UTRN: variants seen among roughly 807,000 people sequenced by gnomAD.
UTRN encodes the protein dystrophin-related protein 1.
UTRN carries 283 observed loss-of-function variants against 463.9 expected under a neutral mutation model. That is an observed-to-expected ratio of 0.61 (90% confidence interval 0.55 to 0.67). The LOEUF is 0.67. UTRN is among the 30% of genes least tolerant of loss of function. The probability of loss-of-function intolerance (pLI) is 0.00; values close to 1 mark genes in which losing one functional copy is unlikely to be tolerated. For synonymous variants in UTRN, 1,442 were observed against 1,431.5 expected, an observed-to-expected ratio of 1.01 and a Z score of -0.17; for missense variants, 3,922 against 4,084.3, an observed-to-expected ratio of 0.96 and a Z score of 1.08.
At chr6:144,775,312 G>A (rs1039829050) in intron 60 of UTRN, among the ~76,000 whole-genome samples, 5 of 152,148 alleles carry the variant, frequency 3.3e-5, no homozygotes, top group Non-Finnish European at 5.9e-5. Flanking sequence ...AGAAAAAATA[G>A]CAATGCAAAG....
intron 54 of UTRN, among the ~76,000 whole-genome samples, chr6:144,736,443 A>G (rs941077965): frequency 3.9e-5 from 6 of 152,166 alleles, no homozygotes; most frequent in African/African-American, 1.4e-4. Flanking sequence ...TTTATCTCCA[A>G]TGCCTTTTTT....
rs577139301 is a variant in UTRN, at chr6:144,506,080, G to A, written c.4765-4864G>A. On this transcript the variant is annotated intron_variant, in intron 34 of 74. Coordinates refer to ENST00000367545, the MANE Select transcript of UTRN (RefSeq NM_007124.3). ...ATCAGAGACTAGGATTGCAACCCCC[G>A]CATTTTTTTTTTTTTTGCTTTCCAT... is the stretch of plus-strand genomic sequence containing the variant. Among the ~76,000 whole-genome samples the A allele has an allele frequency of 2.1e-3, 302 of 141,460 alleles. 1 individual carries two copies. The highest frequency in any genetic ancestry group is 3.6e-3 in the Admixed American group (53 of 14,830). The allele number at this position is 141,460 out of a possible 152,430, so 92.8% of individuals were successfully genotyped here.
chr6:144,380,181 G>A (rs1418050897), intron 2 of UTRN, among the ~76,000 whole-genome samples: 3 of 152,096 alleles, frequency 2.0e-5, no homozygotes, highest in Admixed American at 6.5e-5. Flanking sequence ...GGAGATATTG[G>A]TAAAAAATTA....
intron 2 of UTRN, among the ~76,000 whole-genome samples, chr6:144,360,108 T>C (rs1372361105): frequency 5.7e-5 from 4 of 70,008 alleles, no homozygotes; most frequent in African/African-American, 3.7e-4. Flanking sequence ...TCCCCTCCCC[T>C]CCCCCCTTCC....
chr6:144,469,703 C>CTTTTTTTTTTTTTTTTTTTTTTTTT (rs545551155), intron 23 of UTRN, among the ~76,000 whole-genome samples: 3 of 135,698 alleles, frequency 2.2e-5, no homozygotes, highest in African/African-American at 6.0e-5. Context: ...TGTTTCTTTC[C>CTTTTTTTTTTTTTTTTTTTTTTTTT]TTTTTTTTTT....
At chr6:144,728,878 T>C (rs1269353437) in intron 53 of UTRN, among the ~76,000 whole-genome samples, 1 of 152,182 alleles carries the variant, frequency 6.6e-6, no homozygotes, top group African/African-American at 2.4e-5. Context: ...ATAGCATTTT[T>C]GTCACTCCGT....
At chr6:144,694,436 A>G (rs1468431885) in intron 52 of UTRN, among the ~76,000 whole-genome samples, 5 of 152,040 alleles carry the variant, frequency 3.3e-5, no homozygotes, top group Non-Finnish European at 5.9e-5. Context: ...TTCCTCCTCA[A>G]TTTTGTGGAA....
intron 51 of UTRN, among the ~76,000 whole-genome samples, chr6:144,648,287 C>T (rs1056648921): frequency 8.5e-5 from 13 of 152,088 alleles, no homozygotes; most frequent in Admixed American, 3.3e-4. Flanking sequence ...AGTGCAAGGA[C>T]GAGCAGTTTA....
At position 144,417,590 on chromosome 6, in the gene UTRN, G is replaced by A. The variant is rs564836539; in HGVS notation, c.142-4288G>A. Among the ~76,000 whole-genome samples the A allele has an allele frequency of 7.6e-4, 116 of 152,148 alleles. 2 individuals carry two copies. Among genetic ancestry groups the A allele is most frequent in the South Asian group, 4.8e-3 (23 of 4,820 alleles). ...TTTCATATTTCTACTGCCTGTTTCC[G>A]TATGGCCTATGAGCTGAGAATGGTT... On this transcript the variant is annotated intron_variant, in intron 3 of 74. Transcript: ENST00000367545.
intron 2 of UTRN, among the ~76,000 whole-genome samples, chr6:144,303,089 T>C (rs1227928794): frequency 6.6e-6 from 1 of 152,168 alleles, no homozygotes. Flanking sequence ...AAGATAGATT[T>C]GGAAGGTAGC....
Position 144,546,801 on chromosome 6 carries a change from C to T in UTRN, c.6596-1839C>T, listed in dbSNP as rs534598536. 4.0e-5 allele frequency among the ~76,000 whole-genome samples: 6 copies of T among 151,294 alleles called. No individual in the cohort carries two copies. In the South Asian group the frequency reaches 8.3e-4, roughly 21 times the overall value. ...CCCAGCCTGGGTGACAGAGTGAGCCCCTATCTCAAAGAAAAAACAAACAAA... is the reference window on the plus strand; with the variant it reads ...CCCAGCCTGGGTGACAGAGTGAGCCTCTATCTCAAAGAAAAAACAAACAAA... On this transcript the variant is annotated intron_variant, in intron 46 of 74. Coordinates refer to ENST00000367545, the MANE Select transcript of UTRN (RefSeq NM_007124.3).
chr6:144,470,474 C>T (rs1303616969), intron 23 of UTRN, among the ~76,000 whole-genome samples: 7 of 151,734 alleles, frequency 4.6e-5, no homozygotes, highest in East Asian at 1.9e-4. Flanking sequence ...GATAGGGCGG[C>T]GGGGCAGAGA....
At chr6:144,348,720 A>G (rs1777822473) in intron 2 of UTRN, among the ~76,000 whole-genome samples, 1 of 152,154 alleles carries the variant, frequency 6.6e-6, no homozygotes, top group Non-Finnish European at 1.5e-5. Context: ...AGATCACCTG[A>G]AGTCGGGAGT....
chr6:144,371,468 A>G (rs1285362016), intron 2 of UTRN, among the ~76,000 whole-genome samples: 3 of 152,230 alleles, frequency 2.0e-5, no homozygotes, highest in Middle Eastern at 3.4e-3. Flanking sequence ...CTGGAGTGCA[A>G]TGGCGCAATC....
At chr6:144,628,203 A>G (rs1164288106) in intron 51 of UTRN, among the ~76,000 whole-genome samples, 1 of 152,164 alleles carries the variant, frequency 6.6e-6, no homozygotes, top group African/African-American at 2.4e-5. Flanking sequence ...TATTGTGAAT[A>G]ATGCTGCTAT....
At chr6:144,726,480 A>G (rs1170788231) in intron 53 of UTRN, among the ~76,000 whole-genome samples, 1 of 152,210 alleles carries the variant, frequency 6.6e-6, no homozygotes, top group Non-Finnish European at 1.5e-5. Context: ...GGTCCCAGAC[A>G]TGGCATTAGT....
chr6:144,304,934 CT>C (rs74813853), intron 2 of UTRN, among the ~76,000 whole-genome samples: 248 of 142,598 alleles, frequency 1.7e-3, no homozygotes, highest in Middle Eastern at 3.6e-3. Context: ...AATGTTTTGA[CT>C]TTTTTTTTTT....
intron 42 of UTRN, 79 bp from the exon 43 acceptor site, chr6:144,533,006 C>A (rs2128602716): frequency 1.4e-6 from 1 of 718,400 alleles, no homozygotes; most frequent in Non-Finnish European, 2.3e-6. Flanking sequence ...AAATTGATAC[C>A]ACAATACTTG....
chr6:144,308,702 G>T (rs539940661), intron 2 of UTRN, among the ~76,000 whole-genome samples: 1 of 152,042 alleles, frequency 6.6e-6, no homozygotes, highest in Non-Finnish European at 1.5e-5. Flanking sequence ...CACCCTAACC[G>T]TGTACATTGT....
Sources: gnomAD v4.1 joint callset for allele counts (sites outside exome capture counted in the v4.1 genomes callset) on GRCh38, gnomAD v4.1.1 for gene constraint, MANE v1.5 for transcripts, NCBI Gene and HGNC (gene_info 2026-07-23, HGNC 2026-07-21) for gene names.